AGTPBP1: variants seen among roughly 807,000 people sequenced by gnomAD.
AGTPBP1 encodes the protein cytosolic carboxypeptidase 1.
Under a neutral mutation model 143.9 loss-of-function variants are expected in AGTPBP1, and 70 were observed. That is an observed-to-expected ratio of 0.49 (90% CI 0.40 to 0.59). AGTPBP1 has a LOEUF of 0.59. Among genes scored for constraint, AGTPBP1 ranks in the 20% least tolerant of loss-of-function variants. AGTPBP1 has a pLI of 0.00. For missense variants in AGTPBP1, 1,229 were observed against 1,464.5 expected, an observed-to-expected ratio of 0.84 and a Z score of 2.62; for synonymous variants, 463 against 500.2, an observed-to-expected ratio of 0.93 and a Z score of 0.99.
At chr9:85,596,283 T>C in intron 18 of AGTPBP1, 79 bp downstream of exon 18, 1 of 966,482 alleles carries the variant, frequency 1.0e-6, no homozygotes, top group Non-Finnish European at 1.5e-6. Flanking sequence ...CTCTACTGTT[T>C]CCTTTTACAC....
the AGTPBP1 span, among the ~76,000 whole-genome samples, chr9:85,769,155 T>C: frequency 2.6e-5 from 4 of 152,020 alleles, 1 homozygote; most frequent in African/African-American, 7.2e-5. Flanking sequence ...ACACATGAAA[T>C]TTTTTTCTCT....
intron 13 of AGTPBP1, among the ~76,000 whole-genome samples, chr9:85,638,513 T>C (rs188815143): frequency 9.4e-4 from 143 of 152,088 alleles, no homozygotes; most frequent in African/African-American, 3.3e-3. Flanking sequence ...AATATAGAAG[T>C]AATTATATGT....
chr9:85,637,026 T>C (rs909174544), intron 13 of AGTPBP1, among the ~76,000 whole-genome samples: 1 of 149,884 alleles, frequency 6.7e-6, no homozygotes, highest in African/African-American at 2.4e-5. Flanking sequence ...AATGAAAGCA[T>C]ATCTCCCCAA....
At chr9:85,767,322 C>T in the AGTPBP1 span, among the ~76,000 whole-genome samples, 2 of 149,164 alleles carry the variant, frequency 1.3e-5, no homozygotes, top group East Asian at 3.9e-4. Flanking sequence ...GCTGGGATTA[C>T]AGATGTGCAC....
intron 17 of AGTPBP1, among the ~76,000 whole-genome samples, chr9:85,617,124 T>C (rs1335429907): frequency 2.0e-5 from 3 of 152,132 alleles, no homozygotes; most frequent in African/African-American, 7.2e-5. Flanking sequence ...TCCACATAAA[T>C]AATGACAATT....
At chr9:85,676,385 G>A (rs946810741) in intron 6 of AGTPBP1, among the ~76,000 whole-genome samples, 4 of 151,986 alleles carry the variant, frequency 2.6e-5, no homozygotes, top group Admixed American at 2.6e-4. Context: ...TTTTAAATGG[G>A]CAAAAGATCT....
intron 17 of AGTPBP1, among the ~76,000 whole-genome samples, chr9:85,606,827 C>T (rs950606874): frequency 1.3e-5 from 2 of 151,840 alleles, no homozygotes; most frequent in Non-Finnish European, 2.9e-5. Context: ...CATGTTCTCA[C>T]TCATATGTGG....
At chr9:85,728,106 G>GA (rs988939281) in intron 1 of AGTPBP1, among the ~76,000 whole-genome samples, 21 of 148,900 alleles carry the variant, frequency 1.4e-4, no homozygotes, top group African/African-American at 9.9e-5. Flanking sequence ...AGATTCTTGG[G>GA]AAAAAAAATC....
chr9:85,632,790 G>C lies in AGTPBP1; in HGVS notation c.1887C>G (p.Leu629=). ...PDGPTLHDPD[L]YIEIVKNTKS... is the part of the protein sequence containing the mutation. Reference sequence around the variant, plus strand: ...TCGTATTTTTCACAATCTCAATATAGAGGTCTGGGTCATGGAGTGTTGGTC... The same window carrying C: ...TCGTATTTTTCACAATCTCAATATACAGGTCTGGGTCATGGAGTGTTGGTC... Residue 629 remains leucine (L), a synonymous_variant, in exon 14 of 26, where the codon CTC becomes CTG. Transcript: ENST00000357081. 6.2e-7 allele frequency: 1 copy of C among 1,614,086 alleles called. No individual in the cohort carries two copies. The highest frequency in any genetic ancestry group is 2.2e-5 in the East Asian group (1 of 44,878).
At chr9:85,757,132 T>C in the AGTPBP1 span, among the ~76,000 whole-genome samples, 1 of 152,202 alleles carries the variant, frequency 6.6e-6, no homozygotes, top group Admixed American at 6.5e-5. Context: ...AGTGGCGCGA[T>C]CTGTGCTCAC....
intron 23 of AGTPBP1, among the ~76,000 whole-genome samples, chr9:85,583,031 G>A (rs62566894): frequency 0.026 from 3,997 of 152,150 alleles, 60 homozygotes; most frequent in Middle Eastern, 0.065. Context: ...GGAAGGCAGC[G>A]GAAGGAGAGA....
At chr9:85,750,154 T>C in the AGTPBP1 span, among the ~76,000 whole-genome samples, 1 of 152,156 alleles carries the variant, frequency 6.6e-6, no homozygotes, top group Non-Finnish European at 1.5e-5. Context: ...AGTGCTGGGA[T>C]TACAAGTGCA....
At chr9:85,705,577 A>T (rs1836933147) in intron 2 of AGTPBP1, among the ~76,000 whole-genome samples, 1 of 152,234 alleles carries the variant, frequency 6.6e-6, no homozygotes, top group Non-Finnish European at 1.5e-5. Flanking sequence ...ATATTATTTA[A>T]ATTTCTCTAA....
the AGTPBP1 span, among the ~76,000 whole-genome samples, chr9:85,789,274 G>C: frequency 1.3e-5 from 2 of 152,034 alleles, no homozygotes; most frequent in African/African-American, 4.8e-5. Flanking sequence ...TTTAGTCGGT[G>C]TTCTCACAAA....
chr9:85,696,494 C>G (rs1304755410), intron 2 of AGTPBP1, among the ~76,000 whole-genome samples: 1 of 151,872 alleles, frequency 6.6e-6, no homozygotes. Context: ...ACGGTGAAAC[C>G]CCATCTCTAC....
chr9:85,728,072 CACACAT>C (rs1161044492), intron 1 of AGTPBP1, among the ~76,000 whole-genome samples: 4 of 146,498 alleles, frequency 2.7e-5, no homozygotes, highest in African/African-American at 5.2e-5. Context: ...CACACACACA[CACACAT>C]ATTTACTTCA....
At chr9:85,751,268 G>T in the AGTPBP1 span, among the ~76,000 whole-genome samples, 1 of 152,096 alleles carries the variant, frequency 6.6e-6, no homozygotes, top group South Asian at 2.1e-4. Context: ...CTTTCTATCA[G>T]TGCTTCTGAA....
At chr9:85,676,108 A>G (rs537110977) in intron 6 of AGTPBP1, among the ~76,000 whole-genome samples, 1 of 152,346 alleles carries the variant, frequency 6.6e-6, no homozygotes, top group South Asian at 2.1e-4. Flanking sequence ...TCTCCATAAG[A>G]AAACATTGGA....
chr9:85,647,254 G>A (rs1249020885), intron 11 of AGTPBP1, among the ~76,000 whole-genome samples: 5 of 152,088 alleles, frequency 3.3e-5, no homozygotes, highest in African/African-American at 1.2e-4. Context: ...TCCAGCCTGG[G>A]CAACAAGAGC....
Sources: allele counts gnomAD v4.1 joint callset (sites outside exome capture counted in the v4.1 genomes callset), GRCh38; gene constraint gnomAD v4.1.1; transcripts MANE v1.5; gene names NCBI Gene and HGNC (gene_info 2026-07-23, HGNC 2026-07-21).